TAFA1: variants seen among roughly 807,000 people sequenced by gnomAD.
TAFA1 encodes the protein chemokine-like protein TAFA-1.
A neutral mutation model predicts 18.5 loss-of-function variants in TAFA1; 4 were observed. That is an observed-to-expected ratio of 0.22 (90% CI 0.11 to 0.49). The LOEUF (loss-of-function observed/expected upper bound fraction) is 0.49, where lower values mean the gene tolerates loss of function less well. TAFA1 is among the 20% of genes least tolerant of loss of function. The pLI is 0.98. For missense variants in TAFA1, 147 were observed against 169.0 expected (o/e 0.87, Z 0.72); for synonymous variants, 56 against 55.2 (o/e 1.01, Z -0.06).
intron 2 of TAFA1, among the ~76,000 whole-genome samples, chr3:68,367,849 A>G (rs2069602690): frequency 6.6e-6 from 1 of 152,158 alleles, no homozygotes; most frequent in Non-Finnish European, 1.5e-5. Context: ...GGTTCTAGGA[A>G]GGAGACAAAA....
chr3:68,107,576 A>C (rs955050090), intron 2 of TAFA1, among the ~76,000 whole-genome samples: 1 of 152,114 alleles, frequency 6.6e-6, no homozygotes, highest in South Asian at 2.1e-4. Flanking sequence ...ATTTTCTTCT[A>C]ATGTTTTCAA....
chr3:68,373,886 A>G (rs150439574), intron 2 of TAFA1, among the ~76,000 whole-genome samples: 1 of 152,338 alleles, frequency 6.6e-6, no homozygotes, highest in East Asian at 1.9e-4. Context: ...TTCATGAGCA[A>G]AAGTAAACGC....
chr3:68,246,552 C>G, intron 2 of TAFA1, among the ~76,000 whole-genome samples: 1 of 128,654 alleles, frequency 7.8e-6, no homozygotes, highest in Non-Finnish European at 1.6e-5. Flanking sequence ...ATGGTGCCAC[C>G]GCACTCCAGC....
intron 3 of TAFA1, among the ~76,000 whole-genome samples, chr3:68,495,177 C>G (rs2072523307): frequency 6.6e-6 from 1 of 152,178 alleles, no homozygotes; most frequent in African/African-American, 2.4e-5. Flanking sequence ...CACTTTTGTT[C>G]TCAGCAGTTG....
intron 2 of TAFA1, among the ~76,000 whole-genome samples, chr3:68,290,522 C>A (rs962848247): frequency 2.0e-5 from 3 of 152,036 alleles, no homozygotes; most frequent in African/African-American, 4.8e-5. Flanking sequence ...CCCCTTTGAA[C>A]CTTTGTTGAC....
chr3:68,442,975 G>T (rs9855523), intron 3 of TAFA1, among the ~76,000 whole-genome samples: 5,245 of 152,164 alleles, frequency 0.034, 317 homozygotes, highest in African/African-American at 0.12. Context: ...TCAGGTGTAG[G>T]GGTAGCTCTC....
Position 68,036,027 on chromosome 3 carries a change from A to G in TAFA1, c.118+29283A>G, listed in dbSNP as rs546546897. ...AGGTTGAGGGTAGGCATTGACTACAAAGAGTCAGTGTAAGGAAATTCTGGT... is the reference window on the plus strand; with the variant it reads ...AGGTTGAGGGTAGGCATTGACTACAGAGAGTCAGTGTAAGGAAATTCTGGT... On this transcript the variant is annotated intron_variant, in intron 2 of 4. Coordinates refer to ENST00000478136, the MANE Select transcript of TAFA1 (RefSeq NM_213609.4). 5.3e-5 allele frequency among the ~76,000 whole-genome samples: 8 copies of G among 152,318 alleles called. No individual in the cohort carries two copies. The South Asian group carries it at 1.7e-3, about 32-fold the overall frequency.
chr3:68,490,929 C>T (rs1232610707), intron 3 of TAFA1, among the ~76,000 whole-genome samples: 1 of 151,862 alleles, frequency 6.6e-6, no homozygotes, highest in Non-Finnish European at 1.5e-5. Flanking sequence ...AGCCGGACCT[C>T]CCAGGCTCAA....
chr3:68,357,800 A>T (rs2069393696), intron 2 of TAFA1, among the ~76,000 whole-genome samples: 1 of 151,878 alleles, frequency 6.6e-6, no homozygotes, highest in South Asian at 2.1e-4. Context: ...GAGCTTGGAG[A>T]TTCCCAATTA....
intron 2 of TAFA1, among the ~76,000 whole-genome samples, chr3:68,221,787 TA>T (rs1353960923): frequency 6.6e-6 from 1 of 152,248 alleles, no homozygotes; most frequent in East Asian, 1.9e-4. Context: ...TGATCTATAA[TA>T]AATATGATTT....
intron 2 of TAFA1, among the ~76,000 whole-genome samples, chr3:68,354,264 A>G (rs1397257652): frequency 3.9e-5 from 6 of 152,022 alleles, no homozygotes; most frequent in Non-Finnish European, 7.4e-5. Context: ...AATATTTCAC[A>G]TAAAAGATGT....
Position 68,259,736 on chromosome 3 carries a change from T to A in TAFA1, c.119-157544T>A, listed in dbSNP as rs9713827. The stretch of plus-strand genomic sequence containing the variant: ...AGTTCACTCATGATTTGGCTCTCTG[T>A]TTGTCTGTTATTGGTGTATAAGAAT... On this transcript the variant is annotated intron_variant, in intron 2 of 4. Coordinates refer to ENST00000478136, the MANE Select transcript of TAFA1 (RefSeq NM_213609.4). Among the ~76,000 whole-genome samples, 370 of 151,948 alleles carry A rather than the reference T, an allele frequency of 2.4e-3. 9 individuals are homozygous for A. The East Asian group carries it at 0.052, about 21-fold the overall frequency.
At chr3:68,296,915 G>A (rs1179052919) in intron 2 of TAFA1, among the ~76,000 whole-genome samples, 5 of 152,144 alleles carry the variant, frequency 3.3e-5, no homozygotes, top group Non-Finnish European at 7.4e-5. Flanking sequence ...GAGTGTTTGG[G>A]GAAAGTGGCC....
chr3:68,443,102 G>A (rs1024573688), intron 3 of TAFA1, among the ~76,000 whole-genome samples: 4 of 152,018 alleles, frequency 2.6e-5, no homozygotes, highest in African/African-American at 9.7e-5. Context: ...CATCTACTTC[G>A]TAATTACCTT....
At chr3:68,095,432 T>C (rs977198743) in intron 2 of TAFA1, among the ~76,000 whole-genome samples, 2 of 152,180 alleles carry the variant, frequency 1.3e-5, no homozygotes, top group African/African-American at 4.8e-5. Context: ...TCTATGCTGG[T>C]CCTGGAATAT....
intron 3 of TAFA1, among the ~76,000 whole-genome samples, chr3:68,455,055 A>G (rs2071634723): frequency 6.6e-6 from 1 of 152,200 alleles, no homozygotes; most frequent in South Asian, 2.1e-4. Flanking sequence ...TATTATATGT[A>G]TATTATACAC....
chr3:68,318,644 C>T lies in TAFA1; in HGVS notation c.119-98636C>T, dbSNP rs1418179856. Among the ~76,000 whole-genome samples, 3 of 152,114 alleles carry T rather than the reference C, an allele frequency of 2.0e-5. 1 individual carries two copies. Among genetic ancestry groups the T allele is most frequent in the South Asian group, 4.1e-4 (2 of 4,824 alleles). ...TCTTCTTCTTTGAGTGTTTAAATTA[C>T]TTTGTTTCCAGTCTTTATTACAAGT... On this transcript the variant is annotated intron_variant, in intron 2 of 4. Transcript: ENST00000478136.
At chr3:68,041,170 C>G (rs1395499639) in intron 2 of TAFA1, among the ~76,000 whole-genome samples, 1 of 152,158 alleles carries the variant, frequency 6.6e-6, no homozygotes, top group Non-Finnish European at 1.5e-5. Flanking sequence ...GAAAAAATCC[C>G]TTTTATTCCA....
chr3:68,524,259 T>G (rs9310105), intron 3 of TAFA1, among the ~76,000 whole-genome samples: 120,064 of 151,876 alleles, frequency 0.79, 47,543 homozygotes, highest in East Asian at 0.89. Context: ...TCACGACAGG[T>G]TTCTAAAGAG....
Sources: gnomAD v4.1 joint callset for allele counts (sites outside exome capture counted in the v4.1 genomes callset) on GRCh38, gnomAD v4.1.1 for gene constraint, MANE v1.5 for transcripts, NCBI Gene and HGNC (gene_info 2026-07-23, HGNC 2026-07-21) for gene names.